The following AP2B1 variants were observed in gnomAD, a reference collection of about 807,000 sequenced individuals.
AP2B1 encodes AP-2 complex subunit beta.
AP2B1 carries 23 observed loss-of-function variants against 102.0 expected under a neutral mutation model. The ratio of observed to expected loss-of-function variants is 0.23; its 90% confidence interval spans 0.16 to 0.32. The LOEUF is 0.32. Among genes scored for constraint, AP2B1 ranks in the 10% least tolerant of loss-of-function variants. The pLI is 1.00. For synonymous variants in AP2B1, 381 were observed against 421.2 expected (o/e 0.90, Z 1.17); for missense variants, 541 against 1,157.4 (o/e 0.47, Z 7.73).
intron 17 of AP2B1, among the ~76,000 whole-genome samples, chr17:35,679,964 T>G (rs907884992): frequency 6.6e-6 from 1 of 152,010 alleles, no homozygotes; most frequent in Non-Finnish European, 1.5e-5. Context: ...TTCGCTCTTG[T>G]TGCCCAGGCT....
chr17:35,635,574 G>A (rs112387126), intron 9 of AP2B1, among the ~76,000 whole-genome samples: 8,362 of 152,056 alleles, frequency 0.055, 374 homozygotes, highest in East Asian at 0.14. Context: ...AGTAGAAACA[G>A]GGTTTCACCA....
chr17:35,606,376 A>T (rs911355332), intron 4 of AP2B1, among the ~76,000 whole-genome samples: 1 of 151,670 alleles, frequency 6.6e-6, no homozygotes, highest in Non-Finnish European at 1.5e-5. Context: ...AGTAGCTGGG[A>T]TTACAGGTGA....
rs1046252771 is a variant in AP2B1 at position 35,627,558 on chromosome 17, C to G, written c.1059+53C>G. 2.5e-6 allele frequency: 4 copies of G among 1,612,782 alleles called. No homozygotes were observed. In the African/African-American group the frequency reaches 4.0e-5, roughly 16 times the overall value. On this transcript the variant is annotated intron_variant, in intron 8 of 21. Coordinates refer to ENST00000610402, the MANE Select transcript of AP2B1 (RefSeq NM_001030006.2). Reference sequence around the variant, plus strand: ...TGATGATTTAGCTCTTAAGGTCTGGCCTTTAAAGAAGCTAGGCTGTGAGAT... The same window carrying G: ...TGATGATTTAGCTCTTAAGGTCTGGGCTTTAAAGAAGCTAGGCTGTGAGAT...
intron 9 of AP2B1, among the ~76,000 whole-genome samples, chr17:35,633,511 C>G (rs1042276271): frequency 1.6e-4 from 24 of 152,212 alleles, no homozygotes; most frequent in Middle Eastern, 3.4e-3. Flanking sequence ...GATCTTATTA[C>G]AGAAATTTTC....
At chr17:35,610,720 A>T (rs542403703) in intron 5 of AP2B1, among the ~76,000 whole-genome samples, 2 of 152,012 alleles carry the variant, frequency 1.3e-5, no homozygotes, top group East Asian at 3.9e-4. Flanking sequence ...ATCCTGGCTA[A>T]CGCGGTGAAT....
At chr17:35,676,762 A>C (rs2142980578) in intron 17 of AP2B1, among the ~76,000 whole-genome samples, 1 of 144,980 alleles carries the variant, frequency 6.9e-6, no homozygotes, top group African/African-American at 2.6e-5. Flanking sequence ...TACTAATTTT[A>C]AGCATTTTTT....
intron 5 of AP2B1, among the ~76,000 whole-genome samples, chr17:35,612,618 T>G (rs1407935523): frequency 1.3e-5 from 2 of 152,182 alleles, no homozygotes; most frequent in Admixed American, 6.5e-5. Context: ...CATTTCTCCT[T>G]AAAGCAGAGG....
intron 5 of AP2B1, among the ~76,000 whole-genome samples, chr17:35,610,000 A>G (rs1051863004): frequency 1.3e-5 from 2 of 152,156 alleles, no homozygotes; most frequent in African/African-American, 4.8e-5. Flanking sequence ...AAATCTTTCA[A>G]CCTAGGCATA....
intron 14 of AP2B1, among the ~76,000 whole-genome samples, chr17:35,661,121 T>A (rs907696320): frequency 6.6e-6 from 1 of 152,156 alleles, no homozygotes; most frequent in Non-Finnish European, 1.5e-5. Flanking sequence ...AGTGGTGTAC[T>A]GCTAACAAAG....
intron 3 of AP2B1, among the ~76,000 whole-genome samples, chr17:35,599,685 C>T (rs187279075): frequency 5.6e-4 from 86 of 152,220 alleles, no homozygotes; most frequent in African/African-American, 2.0e-3. Context: ...AGGCGGATCA[C>T]TTGAGGGCAG....
intron 5 of AP2B1, among the ~76,000 whole-genome samples, 153 bp downstream of exon 5, chr17:35,608,540 T>C (rs1278325103): frequency 6.6e-6 from 1 of 152,184 alleles, no homozygotes; most frequent in South Asian, 2.1e-4. Context: ...ATATTTCATA[T>C]CCTAGGTGTT....
At chr17:35,635,855 A>AT (rs528344709) in intron 9 of AP2B1, among the ~76,000 whole-genome samples, 34 of 151,770 alleles carry the variant, frequency 2.2e-4, no homozygotes, top group African/African-American at 4.4e-4. Flanking sequence ...CACCTGGCTA[A>AT]TTTTTTTGTA....
chr17:35,686,154 T>C (rs1032322403), intron 18 of AP2B1, among the ~76,000 whole-genome samples: 31 of 152,234 alleles, frequency 2.0e-4, no homozygotes, highest in African/African-American at 7.0e-4. Context: ...TTTTCTACTA[T>C]ACTGACATCG....
At chr17:35,716,146 A>G (rs989854079) in intron 20 of AP2B1, among the ~76,000 whole-genome samples, 13 of 152,316 alleles carry the variant, frequency 8.5e-5, no homozygotes, top group South Asian at 2.1e-4. Flanking sequence ...CATCATGGCA[A>G]CCTTTTCCCA....
At chr17:35,647,062 A>G (rs983645827) in intron 12 of AP2B1, among the ~76,000 whole-genome samples, 2 of 152,218 alleles carry the variant, frequency 1.3e-5, no homozygotes, top group African/African-American at 4.8e-5. Context: ...GTCCATAAAG[A>G]CAAACTGAAT....
intron 5 of AP2B1, 107 bp downstream of exon 5, chr17:35,608,494 T>C (rs1436947499): frequency 1.5e-6 from 2 of 1,345,178 alleles, no homozygotes; most frequent in Non-Finnish European, 2.1e-6. Context: ...ATGGGGTAGC[T>C]ATGGGAAACA....
At chr17:35,632,356 A>C (rs1339730678) in intron 9 of AP2B1, among the ~76,000 whole-genome samples, 1 of 152,098 alleles carries the variant, frequency 6.6e-6, no homozygotes, top group African/African-American at 2.4e-5. Context: ...GCTGGTCTTG[A>C]ACTCCTGACC....
chr17:35,632,422 A>G (rs946965804), intron 9 of AP2B1, among the ~76,000 whole-genome samples: 7 of 152,216 alleles, frequency 4.6e-5, no homozygotes, highest in African/African-American at 1.7e-4. Flanking sequence ...GGTGTAAGCC[A>G]CTGCACCCAG....
At chr17:35,680,686 GTTT>G (rs1167550201) in intron 17 of AP2B1, among the ~76,000 whole-genome samples, 16 of 59,920 alleles carry the variant, frequency 2.7e-4, no homozygotes, top group South Asian at 8.6e-4. Flanking sequence ...TATGGTTTTG[GTTT>G]TTTTTTTTTT....
Sources: gnomAD v4.1 joint callset for allele counts (sites outside exome capture counted in the v4.1 genomes callset) on GRCh38, gnomAD v4.1.1 for gene constraint, MANE v1.5 for transcripts, NCBI Gene and HGNC (gene_info 2026-07-23, HGNC 2026-07-21) for gene names.